The following PPP3R1 variants were observed in gnomAD, a reference collection of about 807,000 sequenced individuals.
The protein encoded by PPP3R1 is calcineurin subunit B type 1.
PPP3R1 carries 5 observed loss-of-function variants against 22.6 expected under a neutral mutation model. That is an observed-to-expected ratio of 0.22 (90% confidence interval 0.12 to 0.46). The LOEUF is 0.46. Ranked by LOEUF, PPP3R1 falls within the 20% of genes least tolerant of loss-of-function variation. PPP3R1 has a pLI of 0.99. For synonymous variants in PPP3R1, 56 were observed against 65.2 expected, an observed-to-expected ratio of 0.86 and a Z score of 0.68; for missense variants, 61 against 203.2, an observed-to-expected ratio of 0.30 and a Z score of 4.25.
intron 4 of PPP3R1, 147 bp from the exon 5 acceptor site, chr2:68,186,799 C>T: frequency 6.0e-6 from 5 of 829,466 alleles, no homozygotes; most frequent in Non-Finnish European, 9.3e-6. Flanking sequence ...TCCTTAGGCA[C>T]AGTTTAACAT....
At position 68,252,297 on chromosome 2, in the gene PPP3R1, G is replaced by T. The variant is rs1336186933; in HGVS notation, c.-170C>A. 6 of 1,029,214 alleles carry T rather than the reference G, an allele frequency of 5.8e-6. No individual in the cohort carries two copies. The African/African-American group carries it at 8.6e-5, about 15-fold the overall frequency. 63.8% of individuals were successfully genotyped at this position (1,029,214 alleles called of 1,614,324 possible). On this transcript the variant is annotated 5_prime_UTR_variant, in exon 1 of 6. Coordinates refer to ENST00000234310, the MANE Select transcript of PPP3R1 (RefSeq NM_000945.4). ...GGCGCCGCGGGGCCCGCGCCGGCCG[G>T]GCGATTGGGCACGCGAGGGAGCGGG...
chr2:68,243,349 TGAG>T (rs1670168679), intron 1 of PPP3R1, among the ~76,000 whole-genome samples: 2 of 152,078 alleles, frequency 1.3e-5, no homozygotes, highest in African/African-American at 4.8e-5. Flanking sequence ...TCACAAACAC[TGAG>T]GAGATGTTGA....
intron 2 of PPP3R1, among the ~76,000 whole-genome samples, chr2:68,198,253 A>C (rs147942297): frequency 1.6e-4 from 24 of 146,400 alleles, no homozygotes; most frequent in Non-Finnish European, 3.4e-4. Flanking sequence ...ATGTACATAC[A>C]TATGTATACA....
intron 2 of PPP3R1, among the ~76,000 whole-genome samples, chr2:68,190,993 A>C (rs1235824423): frequency 6.6e-6 from 1 of 152,216 alleles, no homozygotes; most frequent in Non-Finnish European, 1.5e-5. Context: ...TTACAAACAA[A>C]GCTGCATAAT....
chr2:68,222,886 A>G (rs937031402), intron 1 of PPP3R1, among the ~76,000 whole-genome samples: 1 of 152,242 alleles, frequency 6.6e-6, no homozygotes, highest in Admixed American at 6.5e-5. Context: ...GAAAAAAAAG[A>G]AAGTAAATAG....
intron 1 of PPP3R1, among the ~76,000 whole-genome samples, chr2:68,245,554 A>C (rs752844370): frequency 6.6e-6 from 1 of 152,166 alleles, no homozygotes; most frequent in Non-Finnish European, 1.5e-5. Flanking sequence ...CTTTATATCT[A>C]ATCACTAGGT....
chr2:68,250,697 A>C (rs1403360101), intron 1 of PPP3R1, among the ~76,000 whole-genome samples: 1 of 152,254 alleles, frequency 6.6e-6, no homozygotes, highest in Non-Finnish European at 1.5e-5. Context: ...CAAGTTGGCA[A>C]GGAAAAACTT....
Position 68,179,232 on chromosome 2 carries a change from GATT to G in PPP3R1, c.*1728_*1730del, listed in dbSNP as rs1275695863. On this transcript the variant is annotated 3_prime_UTR_variant, in exon 6 of 6. Transcript: ENST00000234310. ...TGGAACAGTTCAAACCACTGGCTGG[GATT>G]ATAAGCCATGCCACTGATCCAGAGG... is the stretch of plus-strand genomic sequence containing the variant. 6.6e-6 allele frequency: 1 copy of G among 152,642 alleles called. No homozygotes were observed. Among genetic ancestry groups the G allele is most frequent in the African/African-American group, 2.4e-5 (1 of 41,456 alleles). 9.5% of individuals were successfully genotyped at this position (152,642 alleles called of 1,614,324 possible).
chr2:68,237,778 A>C (rs1438398547), intron 1 of PPP3R1, among the ~76,000 whole-genome samples: 2 of 152,120 alleles, frequency 1.3e-5, no homozygotes, highest in African/African-American at 4.8e-5. Flanking sequence ...GTGAACATTA[A>C]ATGTTTGCTA....
Position 68,179,020 on chromosome 2 carries a change from AAAG to A in PPP3R1, c.*1940_*1942del, listed in dbSNP as rs1479093374. 2.0e-5 allele frequency: 3 copies of A among 152,222 alleles called. No homozygotes were observed. The highest frequency in any genetic ancestry group is 4.8e-5 in the African/African-American group (2 of 41,408). The allele number at this position is 152,222 out of a possible 1,614,324, so 9.4% of individuals were successfully genotyped here. Reference sequence around the variant, plus strand: ...TAAAAAAAAAAAAAAAAAAAAAGAAAAAGAAAAAACCCTCATTCCCCGGTAAGG... The same window carrying A: ...TAAAAAAAAAAAAAAAAAAAAAGAAAAAAAAACCCTCATTCCCCGGTAAGG... On this transcript the variant is annotated 3_prime_UTR_variant, in exon 6 of 6. Coordinates refer to ENST00000234310, the MANE Select transcript of PPP3R1 (RefSeq NM_000945.4).
chr2:68,242,159 T>C (rs1331296156), intron 1 of PPP3R1, among the ~76,000 whole-genome samples: 1 of 152,092 alleles, frequency 6.6e-6, no homozygotes, highest in South Asian at 2.1e-4. Flanking sequence ...CCAGGCGCGG[T>C]GGCTCACGCG....
intron 1 of PPP3R1, among the ~76,000 whole-genome samples, chr2:68,235,774 T>C (rs910791633): frequency 6.6e-6 from 1 of 152,242 alleles, no homozygotes; most frequent in Non-Finnish European, 1.5e-5. Flanking sequence ...TTTGAGGAAT[T>C]ATTTTCTAAT....
chr2:68,239,226 C>T (rs559025258), intron 1 of PPP3R1, among the ~76,000 whole-genome samples: 2 of 152,302 alleles, frequency 1.3e-5, no homozygotes, highest in African/African-American at 4.8e-5. Flanking sequence ...TTGCTGCTTT[C>T]AGCTGTGTTC....
At chr2:68,207,037 T>C (rs1327743247) in intron 2 of PPP3R1, among the ~76,000 whole-genome samples, 2 of 150,912 alleles carry the variant, frequency 1.3e-5, no homozygotes, top group Non-Finnish European at 2.9e-5. Flanking sequence ...ATTTCAACAA[T>C]CTTATAATAT....
intron 1 of PPP3R1, 59 bp from the exon 2 acceptor site, chr2:68,217,190 T>A (rs1669596220): frequency 8.1e-7 from 1 of 1,228,078 alleles, no homozygotes; most frequent in Non-Finnish European, 1.2e-6. Context: ...TTTAAAATAT[T>A]AAACCTAAAT....
In PPP3R1 at chr2:68,180,659, ACTTT is replaced by A. The variant is rs1487072726; in HGVS notation, c.*300_*303del. 3 of 213,908 alleles carry A rather than the reference ACTTT, an allele frequency of 1.4e-5. No homozygotes were observed. The highest frequency in any genetic ancestry group is 1.9e-5 in the Non-Finnish European group (2 of 107,684). 13.3% of individuals were successfully genotyped at this position (213,908 alleles called of 1,614,324 possible). On this transcript the variant is annotated 3_prime_UTR_variant, in exon 6 of 6. Transcript: ENST00000234310. ...AATATTTACATATGTATATATAGAT[ACTTT>A]CTTGTTATAAAAGATGAAGAAAAAT... is the stretch of plus-strand genomic sequence containing the variant.
intron 1 of PPP3R1, 36 bp downstream of exon 1, chr2:68,252,089 G>A (rs767658219): frequency 2.0e-5 from 28 of 1,417,422 alleles, no homozygotes; most frequent in East Asian, 3.2e-5. Flanking sequence ...CGGCAGTAGG[G>A]GGAGGGATGG....
chr2:68,232,096 T>TAAA lies in PPP3R1; in HGVS notation c.4-14968_4-14966dup, dbSNP rs750643360. Among the ~76,000 whole-genome samples the TAAA allele has an allele frequency of 1.1e-3, 85 of 73,918 alleles. 4 individuals carry two copies. The highest frequency in any genetic ancestry group is 7.2e-3 in the South Asian group (11 of 1,538). 48.5% of individuals were successfully genotyped at this position (73,918 alleles called of 152,430 possible). A position where few individuals can be genotyped will look rare whatever the true frequency, so the allele number is the denominator to read the frequency against. The stretch of plus-strand genomic sequence containing the variant: ...ACAACATGGGAATACCCGTATCTAC[T>TAAA]AAAAAAAAAAAAATATATATATATA... On this transcript the variant is annotated intron_variant, in intron 1 of 5. Coordinates refer to ENST00000234310, the MANE Select transcript of PPP3R1 (RefSeq NM_000945.4).
At chr2:68,238,554 A>AT (rs1454191704) in intron 1 of PPP3R1, among the ~76,000 whole-genome samples, 1 of 152,192 alleles carries the variant, frequency 6.6e-6, no homozygotes, top group Admixed American at 6.5e-5. Flanking sequence ...AACAGTTTAG[A>AT]TTTTTAATTC....
Sources: gnomAD v4.1 joint callset for allele counts (sites outside exome capture counted in the v4.1 genomes callset) on GRCh38, gnomAD v4.1.1 for gene constraint, MANE v1.5 for transcripts, NCBI Gene and HGNC (gene_info 2026-07-23, HGNC 2026-07-21) for gene names.